The following SREBF1 variants were observed in gnomAD, a reference collection of about 807,000 sequenced individuals.
The protein encoded by SREBF1 is sterol regulatory element binding transcription factor 1, also known as sterol regulatory element-binding protein 1.
Under a neutral mutation model 100.1 loss-of-function variants are expected in SREBF1, and 45 were observed. The ratio of observed to expected loss-of-function variants is 0.45; its 90% CI spans 0.35 to 0.58. SREBF1 has a LOEUF of 0.58. SREBF1 is among the 20% of genes least tolerant of loss of function. The pLI is 0.00. For synonymous variants in SREBF1, 657 were observed against 681.8 expected (o/e 0.96, Z 0.57); for missense variants, 1,324 against 1,539.4 (o/e 0.86, Z 2.34).
Position 17,816,279 on chromosome 17 carries a change from C to A in SREBF1, c.2142G>T (p.Thr714=). The A allele has an allele frequency of 2.5e-6, 4 of 1,598,850 alleles. No individual in the cohort carries two copies. Among genetic ancestry groups the A allele is most frequent in the Non-Finnish European group, 3.4e-6 (4 of 1,174,562 alleles). Residue 714 remains threonine (T), a synonymous_variant, in exon 11 of 19, where the codon ACG becomes ACT. Coordinates refer to ENST00000261646, the MANE Select transcript of SREBF1 (RefSeq NM_004176.5). The part of the protein sequence containing the change: ...ECAGDAVSVA[T]LAEIYVAAAL... ...CAGCCGCCACATAGATCTCGGCCAG[C>A]GTCGCCACAGACACGGCATCCCCTG...
chr17:17,831,372 G>A (rs956107410), intron 1 of SREBF1, among the ~76,000 whole-genome samples: 28 of 152,168 alleles, frequency 1.8e-4, no homozygotes, highest in Middle Eastern at 3.4e-3. Flanking sequence ...GGCTGGGCAT[G>A]CTGGGAGGGA....
At chr17:17,828,909 G>A (rs893591128) in intron 1 of SREBF1, among the ~76,000 whole-genome samples, 4 of 151,254 alleles carry the variant, frequency 2.6e-5, no homozygotes, top group Admixed American at 6.6e-5. Flanking sequence ...GCAAGACCCC[G>A]TCTCTAAAAA....
intron 18 of SREBF1, 72 bp from the exon 19 acceptor site, chr17:17,812,923 C>G (rs1239324010): frequency 7.4e-7 from 1 of 1,359,982 alleles, no homozygotes; most frequent in Non-Finnish European, 9.7e-7. Context: ...TGCCCACACA[C>G]AAGCCACGGC....
In SREBF1 at chr17:17,824,197, T is replaced by C. The variant is rs1295610328; in HGVS notation, c.92-3676A>G. Among the ~76,000 whole-genome samples, 3 of 152,110 alleles carry C rather than the reference T, an allele frequency of 2.0e-5. No homozygotes were observed. The highest frequency in any genetic ancestry group is 4.4e-5 in the Non-Finnish European group (3 of 68,010). On this transcript the variant is annotated intron_variant, in intron 1 of 18. Transcript: ENST00000261646. The surrounding 1 kb of genome is among the most constrained non-coding windows in gnomAD (Gnocchi z 4.2). ...TTAATTAAGGCCAAGGGCTGCCGAG[T>C]GGCAGCTGCGGTGGGTGCAGGGACC...
intron 1 of SREBF1, among the ~76,000 whole-genome samples, chr17:17,834,449 A>G (rs1439250713): frequency 4.6e-5 from 7 of 152,220 alleles, no homozygotes; most frequent in African/African-American, 1.7e-4. Context: ...TACAATGAAA[A>G]AAGATGTGTG....
intron 1 of SREBF1, among the ~76,000 whole-genome samples, chr17:17,836,334 C>G (rs1352455824): frequency 6.6e-6 from 1 of 152,276 alleles, no homozygotes; most frequent in Non-Finnish European, 1.5e-5. Flanking sequence ...CGTGAGTAAC[C>G]TCGCAATTAC....
intron 1 of SREBF1, among the ~76,000 whole-genome samples, chr17:17,829,265 T>TACAC (rs532379353): frequency 7.5e-6 from 1 of 133,694 alleles, no homozygotes; most frequent in Admixed American, 7.3e-5. Flanking sequence ...CACTCACACA[T>TACAC]ACACACACAC....
rs759051651 is a variant in SREBF1 at position 17,814,273 on chromosome 17, G to A, written c.2873C>T (p.Thr958Ile). ...GTCAATGGAGCTGCTGGCTGGTGTGGTAGCCAGGCTGTCCTGCAGGTACCC... is the reference window on the plus strand; with the variant it reads ...GTCAATGGAGCTGCTGGCTGGTGTGATAGCCAGGCTGTCCTGCAGGTACCC... The part of the protein sequence containing the change: ...ASGYLQDSLA[T>I]TPASSSIDKA... The change falls in exon 16 of 19, where the codon ACC (threonine) becomes ATC (isoleucine). Residue 958 changes from threonine (T) to isoleucine (I), a missense_variant. Physicochemically the swap from Thr to Ile is moderately conservative, Grantham distance 89 (BLOSUM62 -1). Transcript: ENST00000261646. 1 of 1,605,386 alleles carries A rather than the reference G, an allele frequency of 6.2e-7. No individual in the cohort carries two copies. Among genetic ancestry groups the A allele is most frequent in the Non-Finnish European group, 8.5e-7 (1 of 1,177,122 alleles).
rs1598104875 is a variant in SREBF1 at position 17,811,687 on chromosome 17, T to G, written c.*935A>C. The G allele has an allele frequency of 2.2e-6, 1 of 450,326 alleles. No homozygotes were observed. Among genetic ancestry groups the G allele is most frequent in the East Asian group, 7.3e-5 (1 of 13,610 alleles). 27.9% of individuals were successfully genotyped at this position (450,326 alleles called of 1,614,324 possible). ...TGACCAGGGGCCGGGATGGGGGAGG[T>G]GAGACGTGCCAGACTTCTTGCAGGG... On this transcript the variant is annotated 3_prime_UTR_variant, in exon 19 of 19. Coordinates refer to ENST00000261646, the MANE Select transcript of SREBF1 (RefSeq NM_004176.5).
intron 1 of SREBF1, among the ~76,000 whole-genome samples, chr17:17,833,246 A>AC (rs2034986927): frequency 6.6e-6 from 1 of 151,016 alleles, no homozygotes; most frequent in African/African-American, 2.4e-5. Context: ...ACATGGTGAA[A>AC]CCCCATCTCT....
At position 17,812,690 on chromosome 17, in the gene SREBF1, G is replaced by A. The variant is rs3181513; in HGVS notation, c.3376C>T (p.Arg1126Trp). Reference protein sequence around the residue: ...ARTLEKLGDRRLLHDCQQMLM... With the variant: ...ARTLEKLGDRWLLHDCQQMLM... ...ATCTGCTGACAGTCGTGCAGCAGCC[G>A]GCGATCGCCAAGCTTCTCGAGTGTG... is the stretch of plus-strand genomic sequence containing the variant. The change falls in exon 19 of 19, where the codon CGG becomes TGG. Residue 1126 changes from arginine to tryptophan, a missense_variant. Transcript: ENST00000261646. The A allele has an allele frequency of 3.1e-6, 5 of 1,606,132 alleles. No homozygotes were observed. The highest frequency in any genetic ancestry group is 4.2e-6 in the Non-Finnish European group (5 of 1,176,830).
At position 17,812,148 on chromosome 17, in the gene SREBF1, A is replaced by G; in HGVS notation, c.*474T>C. 1 of 430,008 alleles carries G rather than the reference A, an allele frequency of 2.3e-6. No homozygotes were observed. The highest frequency in any genetic ancestry group is 3.3e-5 in the Admixed American group (1 of 30,628). 26.6% of individuals were successfully genotyped at this position (430,008 alleles called of 1,614,324 possible). ...TATGAAAATAAAGTTTGCAAAAGGC[A>G]AAGTAGCACAGGAGCCTCAGGTCAG... is the stretch of plus-strand genomic sequence containing the variant. On this transcript the variant is annotated 3_prime_UTR_variant, in exon 19 of 19. Coordinates refer to ENST00000261646, the MANE Select transcript of SREBF1 (RefSeq NM_004176.5).
intron 1 of SREBF1, among the ~76,000 whole-genome samples, chr17:17,833,450 A>AATATATATATATAT (rs1555573429): frequency 4.2e-5 from 2 of 47,518 alleles, no homozygotes; most frequent in African/African-American, 1.9e-4. Context: ...AAAAAAAAAA[A>AATATATATATATAT]ATATATATAT....
chr17:17,820,611 C>G, intron 1 of SREBF1, 90 bp from the exon 2 acceptor site: 1 of 1,397,658 alleles, frequency 7.2e-7, no homozygotes, highest in South Asian at 1.2e-5. Context: ...CTTATTTGCA[C>G]AACCCTTGTT....
In SREBF1 at chr17:17,823,474, G is replaced by A. The variant is rs200676239; in HGVS notation, c.92-2953C>T. 3 of 1,386,870 alleles carry A rather than the reference G, an allele frequency of 2.2e-6. No individual in the cohort carries two copies. In the Admixed American group the frequency reaches 5.0e-5, roughly 23 times the overall value. 85.9% of individuals were successfully genotyped at this position (1,386,870 alleles called of 1,614,324 possible). A position where few individuals can be genotyped will look rare whatever the true frequency, so the allele number is the denominator to read the frequency against. On this transcript the variant is annotated intron_variant, in intron 1 of 18. Coordinates refer to ENST00000261646, the MANE Select transcript of SREBF1 (RefSeq NM_004176.5). The stretch of plus-strand genomic sequence containing the variant: ...CACCCCAGGAGAACCTGCAGGAGAC[G>A]GAGGCATTGTATAAAGGGCTGGTGG...
rs955744822 is a variant in SREBF1, at chr17:17,818,918, A to C, written c.1068+95T>G. 3.8e-5 allele frequency: 53 copies of C among 1,409,596 alleles called. No individual in the cohort carries two copies. In the African/African-American group the frequency reaches 6.9e-4, roughly 18 times the overall value. 87.3% of individuals were successfully genotyped at this position (1,409,596 alleles called of 1,614,324 possible). On this transcript the variant is annotated intron_variant, in intron 5 of 18. Coordinates refer to ENST00000261646, the MANE Select transcript of SREBF1 (RefSeq NM_004176.5). ...CTGAATTCCAATTCCCTGCTTGTCC[A>C]GGCTCAGTCTCACTCCCTCTCTTCC...
At position 17,820,469 on chromosome 17, in the gene SREBF1, G is replaced by A. The variant is rs1297145020; in HGVS notation, c.144C>T (p.Asp48=). The A allele has an allele frequency of 1.9e-6, 3 of 1,614,110 alleles. No individual in the cohort carries two copies. The highest frequency in any genetic ancestry group is 2.5e-6 in the Non-Finnish European group (3 of 1,180,036). ...NQDSDFPGLF[D]PPYAGSGAGG... ...CTGCCCCACTCCCAGCATAGGGTGG[G>A]TCAAATAGGCCAGGGAAGTCACTGT... Residue 48 remains aspartate, a synonymous_variant, in exon 2 of 19, where the codon GAC becomes GAT. Coordinates refer to ENST00000261646, the MANE Select transcript of SREBF1 (RefSeq NM_004176.5).
chr17:17,819,577 A>C lies in SREBF1; in HGVS notation c.672T>G (p.Pro224=). The C allele has an allele frequency of 6.2e-7, 1 of 1,613,756 alleles. No individual in the cohort carries two copies. The stretch of plus-strand genomic sequence containing the variant: ...TCTGCGAGGTCACAGTGGTCGTTAC[A>C]GGGGCTGCCGTGGGGGCAGCTGTGA... ...LTVTAAPTAA[P]VTTTVTSQIQ... Residue 224 remains proline (P), a synonymous_variant, in exon 3 of 19, where the codon CCT becomes CCG. Coordinates refer to ENST00000261646, the MANE Select transcript of SREBF1 (RefSeq NM_004176.5).
chr17:17,829,599 C>T (rs2034730617), intron 1 of SREBF1, among the ~76,000 whole-genome samples: 1 of 152,168 alleles, frequency 6.6e-6, no homozygotes, highest in African/African-American at 2.4e-5. Flanking sequence ...GATGGCCACT[C>T]TGCCCGTCCT....
Sources: gnomAD v4.1 joint callset for allele counts (sites outside exome capture counted in the v4.1 genomes callset) on GRCh38, gnomAD v4.1.1 for gene constraint, Gnocchi (gnomAD v3.1) non-coding constraint, MANE v1.5 for transcripts, NCBI Gene and HGNC (gene_info 2026-07-23, HGNC 2026-07-21) for gene names.